The following MAP2K4 variants were observed in gnomAD, a reference collection of about 807,000 sequenced individuals.
MAP2K4 encodes mitogen-activated protein kinase kinase 4, also known as dual specificity mitogen-activated protein kinase kinase 4.
In MAP2K4, 4 loss-of-function variants were observed where a neutral mutation model predicts 48.5. That is an observed-to-expected ratio of 0.08 (90% CI 0.04 to 0.19). The LOEUF is 0.19. Ranked by LOEUF, MAP2K4 falls within the 10% of genes least tolerant of loss-of-function variation. MAP2K4 has a pLI of 1.00. For synonymous variants in MAP2K4, 166 were observed against 173.1 expected (o/e 0.96, Z 0.32); for missense variants, 258 against 493.3 (o/e 0.52, Z 4.52).
chr17:12,116,819 A>G (rs1317390576), intron 7 of MAP2K4, among the ~76,000 whole-genome samples: 1 of 152,170 alleles, frequency 6.6e-6, no homozygotes, highest in Non-Finnish European at 1.5e-5. Context: ...AGCTGTTGAT[A>G]ACTTTTTTTT....
At chr17:12,060,166 T>C (rs1359863804) in intron 2 of MAP2K4, among the ~76,000 whole-genome samples, 1 of 150,590 alleles carries the variant, frequency 6.6e-6, no homozygotes, top group Non-Finnish European at 1.5e-5. Flanking sequence ...ACTCTGTCTC[T>C]ATTAAAAAAA....
At chr17:12,106,838 C>T (rs1295680632) in intron 4 of MAP2K4, among the ~76,000 whole-genome samples, 1 of 152,056 alleles carries the variant, frequency 6.6e-6, no homozygotes, top group East Asian at 1.9e-4. Context: ...GCATCTCTCT[C>T]ATGAACTGTA....
At chr17:12,101,452 G>T (rs904355114) in intron 4 of MAP2K4, among the ~76,000 whole-genome samples, 2 of 151,764 alleles carry the variant, frequency 1.3e-5, no homozygotes, top group African/African-American at 4.8e-5. Context: ...CTTAAACTTT[G>T]TTCTTTTAAA....
chr17:12,141,493 G>A lies in MAP2K4; in HGVS notation c.*233G>A. 1.9e-6 allele frequency: 1 copy of A among 514,766 alleles called. No individual in the cohort carries two copies. The allele number at this position is 514,766 out of a possible 1,614,324, so 31.9% of individuals were successfully genotyped here. A position where few individuals can be genotyped will look rare whatever the true frequency, so the allele number is the denominator to read the frequency against. ...CAGAGAGACCTCATCCTGCTCTTTT[G>A]TGATGAACATATTCATGAAATGTGG... On this transcript the variant is annotated 3_prime_UTR_variant, in exon 11 of 11. Coordinates refer to ENST00000353533, the MANE Select transcript of MAP2K4 (RefSeq NM_003010.4).
At chr17:12,049,340 A>G (rs1970063043) in intron 1 of MAP2K4, among the ~76,000 whole-genome samples, 1 of 152,144 alleles carries the variant, frequency 6.6e-6, no homozygotes, top group Non-Finnish European at 1.5e-5. Context: ...GTTTCTCTTT[A>G]TTGTGTGGTG....
At chr17:12,031,048 T>C (rs1969422332) in intron 1 of MAP2K4, among the ~76,000 whole-genome samples, 1 of 152,196 alleles carries the variant, frequency 6.6e-6, no homozygotes, top group East Asian at 1.9e-4. Flanking sequence ...CTGTTCCCAC[T>C]GCACATTTGG....
At chr17:12,112,388 G>C (rs543180971) in intron 6 of MAP2K4, among the ~76,000 whole-genome samples, 1 of 151,948 alleles carries the variant, frequency 6.6e-6, no homozygotes, top group South Asian at 2.1e-4. Context: ...GATTGAACTT[G>C]GGAGGCGGAG....
intron 2 of MAP2K4, among the ~76,000 whole-genome samples, chr17:12,076,319 G>GTGTGTA (rs1971005597): frequency 6.7e-6 from 1 of 149,070 alleles, no homozygotes; most frequent in Admixed American, 6.7e-5. Flanking sequence ...GTGTGTGTGT[G>GTGTGTA]TGTGTGTTTA....
chr17:12,071,909 C>T (rs1321145734), intron 2 of MAP2K4, among the ~76,000 whole-genome samples: 2 of 152,054 alleles, frequency 1.3e-5, no homozygotes, highest in African/African-American at 2.4e-5. Flanking sequence ...TATTTGTAAA[C>T]CATAATAACA....
intron 4 of MAP2K4, among the ~76,000 whole-genome samples, chr17:12,101,814 CAT>C (rs1260563894): frequency 6.6e-6 from 1 of 152,040 alleles, no homozygotes. Context: ...TTAATTTTCT[CAT>C]GTGACTAAAT....
At chr17:12,118,435 T>C (rs1972572122) in intron 7 of MAP2K4, among the ~76,000 whole-genome samples, 1 of 152,148 alleles carries the variant, frequency 6.6e-6, no homozygotes, top group South Asian at 2.1e-4. Flanking sequence ...ATTATACTAA[T>C]CAAAAGGCCT....
At chr17:12,086,178 TG>T (rs1338459738) in intron 3 of MAP2K4, among the ~76,000 whole-genome samples, 7 of 152,224 alleles carry the variant, frequency 4.6e-5, no homozygotes, top group African/African-American at 1.4e-4. Flanking sequence ...GCAGATGTCA[TG>T]GCTCTTTTGT....
chr17:12,039,788 C>T (rs1410911766), intron 1 of MAP2K4, among the ~76,000 whole-genome samples: 1 of 152,176 alleles, frequency 6.6e-6, no homozygotes, highest in Non-Finnish European at 1.5e-5. Flanking sequence ...TCTTAAGTTT[C>T]TTTAAGTCTG....
chr17:12,140,214 A>AG (rs11410887), intron 10 of MAP2K4, among the ~76,000 whole-genome samples: 137,905 of 152,114 alleles, frequency 0.91, 63,212 homozygotes, highest in East Asian at 1. Flanking sequence ...ATTAGTGAAA[A>AG]TTTGTGTTTA....
At chr17:12,035,195 T>C (rs1025325234) in intron 1 of MAP2K4, among the ~76,000 whole-genome samples, 1 of 152,238 alleles carries the variant, frequency 6.6e-6, no homozygotes. Context: ...ACATTAACTT[T>C]ATGGTAAAAG....
At chr17:12,089,403 A>G (rs1202821077) in intron 3 of MAP2K4, among the ~76,000 whole-genome samples, 1 of 152,208 alleles carries the variant, frequency 6.6e-6, no homozygotes, top group Non-Finnish European at 1.5e-5. Flanking sequence ...TTGCCTTGCT[A>G]ATGGCCAAAT....
intron 2 of MAP2K4, 64 bp downstream of exon 2, chr17:12,055,055 G>T (rs970507610): frequency 2.0e-6 from 2 of 1,022,518 alleles, no homozygotes; most frequent in Non-Finnish European, 2.9e-6. Context: ...TGTATTTTAT[G>T]AATTTTTCCA....
chr17:12,129,570 A>G (rs1972962039), intron 9 of MAP2K4, among the ~76,000 whole-genome samples: 1 of 152,228 alleles, frequency 6.6e-6, no homozygotes, highest in African/African-American at 2.4e-5. Flanking sequence ...AAGAAATACC[A>G]GGTTAAACTT....
chr17:12,129,060 G>T (rs1972945148), intron 8 of MAP2K4, 79 bp from the exon 9 acceptor site: 1 of 1,439,992 alleles, frequency 6.9e-7, no homozygotes, highest in African/African-American at 1.4e-5. Context: ...TTGTAGTTTA[G>T]ATTTTTTTGT....
Sources: allele counts gnomAD v4.1 joint callset (sites outside exome capture counted in the v4.1 genomes callset), GRCh38; gene constraint gnomAD v4.1.1; transcripts MANE v1.5; gene names NCBI Gene and HGNC (gene_info 2026-07-23, HGNC 2026-07-21).